The following PCSK6 variants were observed in gnomAD, a reference collection of about 807,000 sequenced individuals.
PCSK6 encodes proprotein convertase subtilisin/kexin type 6, also known as paired basic amino acid cleaving enzyme 4.
Under a neutral mutation model 123.3 loss-of-function variants are expected in PCSK6, and 85 were observed. The ratio of observed to expected loss-of-function variants is 0.69; its 90% CI spans 0.58 to 0.83. The LOEUF (loss-of-function observed/expected upper bound fraction) is 0.83. Ranked by LOEUF, PCSK6 falls within the 40% of genes least tolerant of loss-of-function variation. The probability of loss-of-function intolerance (pLI) is 0.00; values close to 1 mark genes in which losing one functional copy is unlikely to be tolerated. For missense variants in PCSK6, 1,191 were observed against 1,282.3 expected, an observed-to-expected ratio of 0.93 and a Z score of 1.09; for synonymous variants, 508 against 516.0, an observed-to-expected ratio of 0.98 and a Z score of 0.21.
chr15:101,406,131 G>A (rs956260984), intron 6 of PCSK6, among the ~76,000 whole-genome samples: 3 of 152,126 alleles, frequency 2.0e-5, no homozygotes, highest in Non-Finnish European at 4.4e-5. Flanking sequence ...GCCCCAGTCA[G>A]CACGAGACAC....
At chr15:101,470,039 T>C (rs905374110) in intron 1 of PCSK6, among the ~76,000 whole-genome samples, 1 of 152,146 alleles carries the variant, frequency 6.6e-6, no homozygotes, top group Non-Finnish European at 1.5e-5. Flanking sequence ...CATTCAGTTG[T>C]TGGAGGTGCT....
chr15:101,347,356 A>G (rs2040761857), intron 13 of PCSK6: 1 of 1,238,300 alleles, frequency 8.1e-7, no homozygotes, highest in Non-Finnish European at 1.0e-6. Flanking sequence ...GCTCTTGGGA[A>G]AAAAGACATT....
intron 13 of PCSK6, chr15:101,336,768 G>A (rs530437094): frequency 2.7e-5 from 4 of 150,572 alleles, no homozygotes; most frequent in South Asian, 4.2e-4. Context: ...TCTTTCTCTC[G>A]ATCTGCAAGA....
chr15:101,422,717 G>A (rs886392150), intron 6 of PCSK6, among the ~76,000 whole-genome samples: 1 of 152,012 alleles, frequency 6.6e-6, no homozygotes, highest in African/African-American at 2.4e-5. Context: ...TGCCTCCCGG[G>A]TTCACGCCAT....
In PCSK6 at chr15:101,347,701, C is replaced by T. The variant is rs2040772193; in HGVS notation, c.1859-15670G>A. 7 of 1,612,170 alleles carry T rather than the reference C, an allele frequency of 4.3e-6. No homozygotes were observed. In the East Asian group the frequency reaches 1.6e-4, roughly 36 times the overall value. On this transcript the variant is annotated intron_variant, in intron 13 of 21. Coordinates refer to ENST00000611716, the MANE Select transcript of PCSK6 (RefSeq NM_002570.5). ...AATGTGGTGGCTTTGGTCATCTGTC[C>T]CTCTGCAGTATTTCACAGAGATTAC...
chr15:101,475,408 G>GA (rs2057707371), intron 1 of PCSK6, among the ~76,000 whole-genome samples: 1 of 152,026 alleles, frequency 6.6e-6, no homozygotes, highest in African/African-American at 2.4e-5. Flanking sequence ...CAGCCCCACT[G>GA]AAAAAATGGG....
At chr15:101,441,299 A>G (rs912611580) in intron 2 of PCSK6, among the ~76,000 whole-genome samples, 2 of 152,124 alleles carry the variant, frequency 1.3e-5, no homozygotes, top group African/African-American at 4.8e-5. Context: ...AAATGGGTCA[A>G]TCAAGCAGCT....
chr15:101,360,177 C>G (rs979557315), intron 13 of PCSK6, among the ~76,000 whole-genome samples: 1 of 152,154 alleles, frequency 6.6e-6, no homozygotes, highest in African/African-American at 2.4e-5. Flanking sequence ...GCTGCCCCGT[C>G]GGAGTCACCT....
intron 4 of PCSK6, 33 bp downstream of exon 4, chr15:101,431,287 A>G (rs1002744081): frequency 3.7e-6 from 6 of 1,611,344 alleles, no homozygotes; most frequent in South Asian, 2.2e-5. Flanking sequence ...ACAGTTGAAT[A>G]TATTTGCATG....
intron 13 of PCSK6, chr15:101,347,487 A>G: frequency 7.7e-7 from 1 of 1,301,934 alleles, no homozygotes; most frequent in Non-Finnish European, 9.8e-7. Flanking sequence ...TTTACTGAGT[A>G]TGTACAGCTG....
At chr15:101,382,410 C>T (rs374550271) in intron 10 of PCSK6, among the ~76,000 whole-genome samples, 2 of 152,242 alleles carry the variant, frequency 1.3e-5, no homozygotes, top group Non-Finnish European at 2.9e-5. Context: ...GAACCCAACT[C>T]CTTCTGCTAA....
intron 1 of PCSK6, among the ~76,000 whole-genome samples, chr15:101,455,639 G>A (rs542123854): frequency 3.5e-4 from 53 of 152,288 alleles, no homozygotes; most frequent in African/African-American, 1.3e-3. Flanking sequence ...TGCTGAGGTC[G>A]GCAGCTCCCA....
intron 1 of PCSK6, among the ~76,000 whole-genome samples, chr15:101,470,106 C>A (rs9806745): frequency 0.61 from 93,046 of 152,064 alleles, 29,177 homozygotes; most frequent in Non-Finnish European, 0.69. Flanking sequence ...AGGGATCAAA[C>A]GTCCCTTGTT....
intron 1 of PCSK6, among the ~76,000 whole-genome samples, chr15:101,484,775 G>C (rs2141276165): frequency 6.6e-6 from 1 of 152,280 alleles, no homozygotes; most frequent in African/African-American, 2.4e-5. Flanking sequence ...AACACTATTT[G>C]AGAGATGTAT....
chr15:101,312,867 T>C (rs1224197866), intron 20 of PCSK6: 1 of 203,240 alleles, frequency 4.9e-6, no homozygotes, highest in Non-Finnish European at 8.9e-6. Context: ...TAGCTGGGCA[T>C]TGTGGTGCAC....
chr15:101,413,800 C>T lies in PCSK6; in HGVS notation c.823+14092G>A, dbSNP rs2055788893. Among the ~76,000 whole-genome samples, 4 of 151,834 alleles carry T rather than the reference C, an allele frequency of 2.6e-5. No individual in the cohort carries two copies. In the South Asian group the frequency reaches 8.3e-4, roughly 32 times the overall value. On this transcript the variant is annotated intron_variant, in intron 6 of 21. Coordinates refer to ENST00000611716, the MANE Select transcript of PCSK6 (RefSeq NM_002570.5). ...TGCATGTAGAAAACATTCACAGGTA[C>T]CTCTTAAATATGTGAAATGTCATTT...
intron 13 of PCSK6, among the ~76,000 whole-genome samples, chr15:101,344,587 G>A (rs144943504): frequency 1.3e-5 from 2 of 152,286 alleles, no homozygotes; most frequent in African/African-American, 4.8e-5. Context: ...GAGTCTGTGG[G>A]GTGGAGGAGT....
chr15:101,471,814 A>G (rs1016094183), intron 1 of PCSK6, among the ~76,000 whole-genome samples: 1 of 151,978 alleles, frequency 6.6e-6, no homozygotes, highest in Non-Finnish European at 1.5e-5. Flanking sequence ...ATGCCCCCAC[A>G]TTTGGTTTTG....
intron 2 of PCSK6, among the ~76,000 whole-genome samples, chr15:101,443,257 C>T (rs1279370939): frequency 1.3e-5 from 2 of 152,178 alleles, no homozygotes; most frequent in African/African-American, 4.8e-5. Flanking sequence ...TGCCTGATCT[C>T]TAATTTCATT....
Sources: gnomAD v4.1 joint callset for allele counts (sites outside exome capture counted in the v4.1 genomes callset) on GRCh38, gnomAD v4.1.1 for gene constraint, MANE v1.5 for transcripts, NCBI Gene and HGNC (gene_info 2026-07-23, HGNC 2026-07-21) for gene names.